Variants in ADAM12 observed in about 807,000 individuals in gnomAD.
The protein encoded by ADAM12 is disintegrin and metalloproteinase domain-containing protein 12.
ADAM12 carries 70 observed loss-of-function variants against 106.4 expected under a neutral mutation model. The observed-to-expected ratio is 0.66, with a 90% CI of 0.54 to 0.80. The LOEUF is 0.80. Among genes scored for constraint, ADAM12 ranks in the 30% least tolerant of loss-of-function variants. The pLI, the probability that ADAM12 is intolerant of heterozygous loss-of-function variation, is 0.00. For synonymous variants in ADAM12, 420 were observed against 433.5 expected (o/e 0.97, Z 0.39); for missense variants, 1,010 against 1,171.9 (o/e 0.86, Z 2.02).
At chr10:126,177,266 A>G (rs1367806739) in intron 3 of ADAM12, among the ~76,000 whole-genome samples, 1 of 152,084 alleles carries the variant, frequency 6.6e-6, no homozygotes, top group Non-Finnish European at 1.5e-5. Context: ...AAAAAAAAAA[A>G]GCAATGAGAT....
chr10:126,221,014 A>G (rs1958080990), intron 3 of ADAM12, among the ~76,000 whole-genome samples: 1 of 152,228 alleles, frequency 6.6e-6, no homozygotes, highest in South Asian at 2.1e-4. Context: ...GGGGCACTTG[A>G]TGGGCAGTTC....
intron 6 of ADAM12, among the ~76,000 whole-genome samples, chr10:126,117,757 T>TC (rs1565070602): frequency 7.0e-4 from 25 of 35,554 alleles, no homozygotes; most frequent in African/African-American, 5.4e-3. Context: ...GGGGTAGAAG[T>TC]TGGGGGGGCG....
intron 11 of ADAM12, among the ~76,000 whole-genome samples, chr10:126,078,086 C>T (rs1045115814): frequency 2.0e-5 from 3 of 152,182 alleles, no homozygotes; most frequent in African/African-American, 7.2e-5. Context: ...TTTCTACATC[C>T]TAAGTAGCCA....
At chr10:126,336,183 A>G (rs1854692137) in intron 1 of ADAM12, among the ~76,000 whole-genome samples, 1 of 152,212 alleles carries the variant, frequency 6.6e-6, no homozygotes, top group African/African-American at 2.4e-5. Flanking sequence ...GATGTTAAGA[A>G]TAGGGGAAAT....
At chr10:126,051,221 T>C (rs1197261046) in intron 14 of ADAM12, among the ~76,000 whole-genome samples, 1 of 152,224 alleles carries the variant, frequency 6.6e-6, no homozygotes, top group Non-Finnish European at 1.5e-5. Context: ...TGGGATCTGA[T>C]TGATCAAAGC....
At chr10:126,363,772 C>T (rs948198799) in intron 1 of ADAM12, among the ~76,000 whole-genome samples, 1 of 152,174 alleles carries the variant, frequency 6.6e-6, no homozygotes, top group Non-Finnish European at 1.5e-5. Flanking sequence ...GGAGACCAGA[C>T]CTGCCCAGCC....
chr10:126,117,846 A>T (rs190178822), intron 6 of ADAM12, among the ~76,000 whole-genome samples, 192 bp downstream of exon 6: 1 of 152,056 alleles, frequency 6.6e-6, no homozygotes, highest in Non-Finnish European at 1.5e-5. Flanking sequence ...CATCTGCAGT[A>T]CAGTGATGGG....
chr10:126,049,117 A>C lies in ADAM12; in HGVS notation c.1917+136T>G, dbSNP rs1309804380. ...TCAGACCAGGATCTAGGATTTATTGACTTTTTCTTCTAGGTGCATCTGAGA... is the reference window on the plus strand; with the variant it reads ...TCAGACCAGGATCTAGGATTTATTGCCTTTTTCTTCTAGGTGCATCTGAGA... On this transcript the variant is annotated intron_variant, in intron 16 of 22. Transcript: ENST00000448723. The surrounding 1 kb of genome is among the most constrained non-coding windows in gnomAD (Gnocchi z 4.4). The C allele has an allele frequency of 3.8e-5, 44 of 1,150,928 alleles. No homozygotes were observed. The highest frequency in any genetic ancestry group is 7.8e-5 in the Admixed American group (4 of 51,018). The allele number at this position is 1,150,928 out of a possible 1,614,324, so 71.3% of individuals were successfully genotyped here.
intron 3 of ADAM12, among the ~76,000 whole-genome samples, chr10:126,168,694 G>T (rs1957067683): frequency 6.6e-6 from 1 of 152,126 alleles, no homozygotes; most frequent in Non-Finnish European, 1.5e-5. Context: ...AACGAAAACG[G>T]ATCATGTCAC....
intron 11 of ADAM12, among the ~76,000 whole-genome samples, chr10:126,084,869 G>A (rs1196318724): frequency 6.6e-6 from 1 of 152,222 alleles, no homozygotes; most frequent in Non-Finnish European, 1.5e-5. Context: ...GAATGACCCT[G>A]ACCACCTGTG....
chr10:126,031,394 A>T (rs1016293314), intron 21 of ADAM12, among the ~76,000 whole-genome samples: 2 of 152,210 alleles, frequency 1.3e-5, no homozygotes, highest in African/African-American at 4.8e-5. Context: ...GCCCTTATCC[A>T]TTCGGAGCCA....
chr10:126,235,609 C>T (rs555606707), intron 3 of ADAM12, among the ~76,000 whole-genome samples: 38 of 152,256 alleles, frequency 2.5e-4, no homozygotes, highest in African/African-American at 8.7e-4. Flanking sequence ...AGCGGCACAC[C>T]GTCCAGCCCA....
chr10:126,058,372 T>C (rs1954679072), intron 14 of ADAM12, among the ~76,000 whole-genome samples: 1 of 152,240 alleles, frequency 6.6e-6, no homozygotes, highest in African/African-American at 2.4e-5. Flanking sequence ...CACAGCAGCC[T>C]GGGTAAATGA....
intron 5 of ADAM12, among the ~76,000 whole-genome samples, chr10:126,132,742 A>G (rs1956330955): frequency 6.6e-6 from 1 of 152,002 alleles, no homozygotes; most frequent in Admixed American, 6.5e-5. Context: ...AGGCCCAGTG[A>G]CCTGTCCATC....
intron 3 of ADAM12, among the ~76,000 whole-genome samples, chr10:126,253,984 C>T (rs761054689): frequency 6.6e-6 from 1 of 152,194 alleles, no homozygotes; most frequent in Non-Finnish European, 1.5e-5. Flanking sequence ...ATGTCTCTGC[C>T]GGCTCACCCA....
chr10:126,077,476 T>C (rs1301587932), intron 11 of ADAM12, among the ~76,000 whole-genome samples: 2 of 152,170 alleles, frequency 1.3e-5, no homozygotes, highest in East Asian at 1.9e-4. Flanking sequence ...AGGTATCATA[T>C]TATCTGACTT....
chr10:126,227,258 C>T (rs1958214829), intron 3 of ADAM12, among the ~76,000 whole-genome samples: 2 of 152,142 alleles, frequency 1.3e-5, no homozygotes, highest in African/African-American at 2.4e-5. Flanking sequence ...TCATCACCAT[C>T]GCCATCATTA....
At chr10:126,321,137 A>G (rs970488344) in intron 2 of ADAM12, among the ~76,000 whole-genome samples, 6 of 151,948 alleles carry the variant, frequency 3.9e-5, no homozygotes, top group African/African-American at 1.5e-4. Flanking sequence ...AATTCATCAA[A>G]CTCCTTCTCT....
intron 14 of ADAM12, among the ~76,000 whole-genome samples, chr10:126,056,525 T>C (rs2459113): frequency 0.55 from 83,082 of 152,028 alleles, 22,927 homozygotes; most frequent in Admixed American, 0.63. Flanking sequence ...CTTTTATCAG[T>C]CCTCTGAAAC....
Sources: allele counts gnomAD v4.1 joint callset (sites outside exome capture counted in the v4.1 genomes callset), GRCh38; gene constraint gnomAD v4.1.1; non-coding constraint Gnocchi (gnomAD v3.1); transcripts MANE v1.5; gene names NCBI Gene and HGNC (gene_info 2026-07-23, HGNC 2026-07-21).